The following ARHGEF28 variants were observed in gnomAD, a reference collection of about 807,000 sequenced individuals.
The protein encoded by ARHGEF28 is 190 kDa guanine nucleotide exchange factor.
In ARHGEF28, 152 loss-of-function variants were observed where a neutral mutation model predicts 206.6. The ratio of observed to expected loss-of-function variants is 0.74; its 90% confidence interval spans 0.64 to 0.84. The LOEUF (loss-of-function observed/expected upper bound fraction) is 0.84, where lower values mean the gene tolerates loss of function less well. Among genes scored for constraint, ARHGEF28 ranks in the 40% least tolerant of loss-of-function variants. The probability of loss-of-function intolerance (pLI) is 0.00; values close to 1 mark genes in which losing one functional copy is unlikely to be tolerated. For missense variants in ARHGEF28, 2,028 were observed against 2,073.2 expected (o/e 0.98, Z 0.42); for synonymous variants, 763 against 776.4 (o/e 0.98, Z 0.29).
At chr5:73,722,800 C>T (rs970142384) in intron 2 of ARHGEF28, among the ~76,000 whole-genome samples, 2 of 152,086 alleles carry the variant, frequency 1.3e-5, no homozygotes, top group African/African-American at 2.4e-5. Flanking sequence ...CTCTCTCTAT[C>T]CATATATATT....
intron 9 of ARHGEF28, among the ~76,000 whole-genome samples, chr5:73,826,018 T>C (rs1756886177): frequency 6.6e-6 from 1 of 152,118 alleles, no homozygotes; most frequent in Non-Finnish European, 1.5e-5. Flanking sequence ...GTTTGAGGAC[T>C]GACCCTAAAG....
intron 7 of ARHGEF28, among the ~76,000 whole-genome samples, chr5:73,792,473 T>C (rs1022139240): frequency 3.3e-5 from 5 of 152,238 alleles, no homozygotes; most frequent in Non-Finnish European, 7.3e-5. Flanking sequence ...GAATAAATGC[T>C]GTATGTACAG....
chr5:73,774,949 C>T (rs1753460095), intron 5 of ARHGEF28, among the ~76,000 whole-genome samples: 1 of 152,094 alleles, frequency 6.6e-6, no homozygotes, highest in Admixed American at 6.5e-5. Context: ...TCATGGAACT[C>T]AATGTAATTA....
At chr5:73,708,061 A>G (rs2112301778) in intron 2 of ARHGEF28, among the ~76,000 whole-genome samples, 1 of 152,316 alleles carries the variant, frequency 6.6e-6, no homozygotes, top group South Asian at 2.1e-4. Flanking sequence ...TTATATTGCT[A>G]ACCTCTACCT....
intron 21 of ARHGEF28, among the ~76,000 whole-genome samples, chr5:73,872,109 A>G (rs923341141): frequency 6.6e-6 from 1 of 152,186 alleles, no homozygotes; most frequent in African/African-American, 2.4e-5. Flanking sequence ...TCCCACCAGC[A>G]ATGTATGAGG....
intron 1 of ARHGEF28, among the ~76,000 whole-genome samples, chr5:73,631,290 C>A (rs561299232): frequency 2.6e-5 from 4 of 152,100 alleles, no homozygotes; most frequent in Non-Finnish European, 5.9e-5. Context: ...TGTCTTTTCC[C>A]ACTAAGACCC....
chr5:73,882,001 G>GTA (rs1213349300), intron 22 of ARHGEF28, among the ~76,000 whole-genome samples: 2 of 152,126 alleles, frequency 1.3e-5, no homozygotes, highest in Non-Finnish European at 2.9e-5. Flanking sequence ...CTATGGACAT[G>GTA]GTCATTAGCC....
chr5:73,830,774 T>C (rs1327342689), intron 9 of ARHGEF28, among the ~76,000 whole-genome samples: 1 of 152,122 alleles, frequency 6.6e-6, no homozygotes, highest in Admixed American at 6.5e-5. Context: ...ATGGATTTTT[T>C]TTTTGCTCAT....
intron 1 of ARHGEF28, among the ~76,000 whole-genome samples, chr5:73,649,290 T>A (rs1744644488): frequency 6.6e-6 from 1 of 151,728 alleles, no homozygotes; most frequent in South Asian, 2.1e-4. Flanking sequence ...AGGAAAGAGG[T>A]GGGGAGTGGA....
At chr5:73,913,189 A>T (rs1445357308) in intron 35 of ARHGEF28, among the ~76,000 whole-genome samples, 1 of 152,246 alleles carries the variant, frequency 6.6e-6, no homozygotes, top group Non-Finnish European at 1.5e-5. Flanking sequence ...TGTCCAGAGT[A>T]GGCCAAGGAC....
intron 33 of ARHGEF28, among the ~76,000 whole-genome samples, chr5:73,906,469 G>A (rs1160563193): frequency 2.6e-5 from 4 of 152,112 alleles, no homozygotes; most frequent in Non-Finnish European, 5.9e-5. Flanking sequence ...TGATCTACCT[G>A]CCTTGGCCTC....
chr5:73,782,615 C>T (rs995674068), intron 7 of ARHGEF28, among the ~76,000 whole-genome samples: 1 of 152,166 alleles, frequency 6.6e-6, no homozygotes, highest in African/African-American at 2.4e-5. Flanking sequence ...AGGGAATTGC[C>T]TTTACTATTC....
At chr5:73,761,831 A>C (rs1335828297) in intron 4 of ARHGEF28, among the ~76,000 whole-genome samples, 2 of 151,864 alleles carry the variant, frequency 1.3e-5, no homozygotes, top group African/African-American at 2.4e-5. Flanking sequence ...GCTCAGCTCA[A>C]GTTCCTTCTG....
chr5:73,882,652 G>GAAA, intron 23 of ARHGEF28, 58 bp downstream of exon 23: 1 of 1,367,550 alleles, frequency 7.3e-7, no homozygotes, highest in Non-Finnish European at 9.7e-7. Context: ...AATAGTTTAT[G>GAAA]CTTGTTTCTT....
At chr5:73,864,757 T>TA in intron 16 of ARHGEF28, 60 bp from the exon 17 acceptor site, 2 of 1,433,292 alleles carry the variant, frequency 1.4e-6, no homozygotes, top group Non-Finnish European at 1.9e-6. Context: ...GATGTAGTCT[T>TA]ATTAATTTCA....
chr5:73,887,607 C>T lies in ARHGEF28; in HGVS notation c.3315C>T (p.Ile1105=). The part of the protein sequence containing the change: ...WKTATGRFKD[I]LALLLTDVLL... ...AGTAATGTTTTTTCTTTAAAGATAT[C>T]CTAGCTCTACTTCTAACTGATGTGC... The change falls in exon 26 of 36, where the codon ATC becomes ATT. Residue 1105 remains isoleucine (I), a synonymous_variant. Transcript: ENST00000513042. 6.4e-7 allele frequency: 1 copy of T among 1,560,410 alleles called. No homozygotes were observed. The highest frequency in any genetic ancestry group is 8.7e-7 in the Non-Finnish European group (1 of 1,152,228).
intron 2 of ARHGEF28, among the ~76,000 whole-genome samples, chr5:73,710,794 G>T (rs777879051): frequency 6.6e-6 from 1 of 152,004 alleles, no homozygotes; most frequent in Non-Finnish European, 1.5e-5. Flanking sequence ...CCTCTGCCTC[G>T]CGGGTTCAAG....
chr5:73,795,319 T>G lies in ARHGEF28; in HGVS notation c.964-12T>G. On this transcript the variant is annotated splice_polypyrimidine_tract_variant and intron_variant, in intron 8 of 35. Coordinates refer to ENST00000513042, the MANE Select transcript of ARHGEF28 (RefSeq NM_001177693.2). ...AATTTTTTAAAAATCCACCTGACTTTATCTCTTCCAGCGTGTCAAAAGCCT... is the reference window on the plus strand; with the variant it reads ...AATTTTTTAAAAATCCACCTGACTTGATCTCTTCCAGCGTGTCAAAAGCCT... 6.2e-7 allele frequency: 1 copy of G among 1,612,690 alleles called. No homozygotes were observed. Among genetic ancestry groups the G allele is most frequent in the South Asian group, 1.1e-5 (1 of 90,722 alleles).
At chr5:73,772,435 G>A (rs1161289819) in intron 4 of ARHGEF28, among the ~76,000 whole-genome samples, 4 of 152,174 alleles carry the variant, frequency 2.6e-5, no homozygotes, top group Non-Finnish European at 4.4e-5. Flanking sequence ...TTGGCATGCA[G>A]TGGTGCAATC....
Sources: gnomAD v4.1 joint callset for allele counts (sites outside exome capture counted in the v4.1 genomes callset) on GRCh38, gnomAD v4.1.1 for gene constraint, MANE v1.5 for transcripts, NCBI Gene and HGNC (gene_info 2026-07-23, HGNC 2026-07-21) for gene names.